PKD2L2: variants seen among roughly 807,000 people sequenced by gnomAD.
The protein encoded by PKD2L2 is polycystin-2-like protein 2.
PKD2L2 carries 67 observed loss-of-function variants against 83.9 expected under a neutral mutation model. The observed-to-expected ratio is 0.80, with a 90% CI of 0.66 to 0.98. The LOEUF (loss-of-function observed/expected upper bound fraction) is 0.98, where lower values mean the gene tolerates loss of function less well. Among genes scored for constraint, PKD2L2 ranks in the 50% least tolerant of loss-of-function variants. The pLI is 0.00. For synonymous variants in PKD2L2, 223 were observed against 237.8 expected, an observed-to-expected ratio of 0.94 and a Z score of 0.57; for missense variants, 632 against 717.2, an observed-to-expected ratio of 0.88 and a Z score of 1.36.
In PKD2L2 at chr5:137,936,417, G is replaced by C. The variant is rs1760400684; in HGVS notation, c.*7G>C. On this transcript the variant is annotated 3_prime_UTR_variant, in exon 14 of 15. Transcript: ENST00000508883. ...AAAGGTTTCAGCTCTATAGTATTGAGACAAGTGGAGGTAAGAATCTGTGAT... is the reference window on the plus strand; with the variant it reads ...AAAGGTTTCAGCTCTATAGTATTGACACAAGTGGAGGTAAGAATCTGTGAT... The C allele has an allele frequency of 1.3e-6, 2 of 1,533,826 alleles. No homozygotes were observed. Among genetic ancestry groups the C allele is most frequent in the Non-Finnish European group, 1.7e-6 (2 of 1,145,328 alleles).
At chr5:137,916,475 CTTTT>C (rs1169529107) in intron 8 of PKD2L2, among the ~76,000 whole-genome samples, 2 of 93,216 alleles carry the variant, frequency 2.1e-5, no homozygotes, top group South Asian at 3.9e-4. Flanking sequence ...CACTTTTCTT[CTTTT>C]TTTTTTTTTT....
intron 12 of PKD2L2, among the ~76,000 whole-genome samples, chr5:137,926,656 T>C (rs911149944): frequency 6.6e-6 from 1 of 152,182 alleles, no homozygotes; most frequent in Non-Finnish European, 1.5e-5. Context: ...ACCCAGATCT[T>C]GGCTTCCAAA....
At chr5:137,889,546 G>T in intron 1 of PKD2L2, 24 bp downstream of exon 1, 1 of 1,532,948 alleles carries the variant, frequency 6.5e-7, no homozygotes, top group Non-Finnish European at 8.7e-7. Context: ...TTAAGGAGTG[G>T]GAGGGACAGG....
intron 4 of PKD2L2, among the ~76,000 whole-genome samples, chr5:137,898,315 T>C (rs560053982): frequency 2.2e-4 from 34 of 152,320 alleles, no homozygotes; most frequent in African/African-American, 7.9e-4. Flanking sequence ...TTCATTAAAA[T>C]ATCTACGTAA....
intron 3 of PKD2L2, 132 bp from the exon 4 acceptor site, chr5:137,894,221 C>G (rs1346597325): frequency 3.9e-6 from 3 of 767,140 alleles, no homozygotes; most frequent in Middle Eastern, 3.3e-4. Flanking sequence ...ATTAGCATTA[C>G]CATTACCATT....
intron 13 of PKD2L2, 38 bp from the exon 14 acceptor site, chr5:137,936,281 AT>A (rs1400130149): frequency 1.4e-5 from 21 of 1,503,170 alleles, no homozygotes; most frequent in Non-Finnish European, 1.9e-5. Flanking sequence ...ATGAAAGTTT[AT>A]TACTGACTCA....
intron 5 of PKD2L2, among the ~76,000 whole-genome samples, chr5:137,903,750 A>G (rs1010324174): frequency 1.3e-5 from 2 of 152,058 alleles, no homozygotes; most frequent in Non-Finnish European, 2.9e-5. Flanking sequence ...TACATTTTTT[A>G]TTTTTTTATT....
intron 4 of PKD2L2, among the ~76,000 whole-genome samples, 179 bp from the exon 5 acceptor site, chr5:137,899,337 G>A (rs531574785): frequency 1.3e-5 from 2 of 152,248 alleles, no homozygotes; most frequent in Admixed American, 6.5e-5. Flanking sequence ...GGCTGGTCTC[G>A]AACTCCTGGG....
chr5:137,890,675 G>C (rs968741632), intron 2 of PKD2L2, 93 bp downstream of exon 2: 8 of 556,896 alleles, frequency 1.4e-5, no homozygotes, highest in Non-Finnish European at 2.2e-5. Context: ...AAAACCACAG[G>C]CTGTCAGGCT....
chr5:137,895,472 T>TA (rs756004179), intron 4 of PKD2L2, among the ~76,000 whole-genome samples: 3,270 of 65,710 alleles, frequency 0.05, 115 homozygotes, highest in African/African-American at 0.14. Context: ...ACCTTGTCCC[T>TA]AAAAAAAAAA....
chr5:137,891,864 T>C (rs897389455), intron 2 of PKD2L2, among the ~76,000 whole-genome samples: 1 of 152,136 alleles, frequency 6.6e-6, no homozygotes, highest in South Asian at 2.1e-4. Context: ...TGTATGTTTT[T>C]AGTAGAGACA....
At chr5:137,889,910 C>T in intron 1 of PKD2L2, 1 of 241,030 alleles carries the variant, frequency 4.1e-6, no homozygotes. Flanking sequence ...GTGGAGAAAA[C>T]GGTTAGGACA....
chr5:137,895,635 T>C (rs535059419), intron 4 of PKD2L2, among the ~76,000 whole-genome samples: 1 of 152,204 alleles, frequency 6.6e-6, no homozygotes, highest in South Asian at 2.1e-4. Context: ...CCTAGCACTT[T>C]GAGAGGCTGA....
intron 3 of PKD2L2, among the ~76,000 whole-genome samples, chr5:137,893,450 A>G (rs1479543061): frequency 1.3e-5 from 2 of 152,330 alleles, no homozygotes; most frequent in African/African-American, 4.8e-5. Context: ...CAGCTATCCC[A>G]GGTCACAAAA....
At chr5:137,915,354 A>G (rs1464266037) in intron 8 of PKD2L2, among the ~76,000 whole-genome samples, 1 of 152,108 alleles carries the variant, frequency 6.6e-6, no homozygotes, top group Non-Finnish European at 1.5e-5. Context: ...TTACCAGTGA[A>G]GCCAGATCCT....
At chr5:137,936,236 C>T (rs1464068661) in intron 13 of PKD2L2, 84 bp from the exon 14 acceptor site, 3 of 1,221,622 alleles carry the variant, frequency 2.5e-6, no homozygotes, top group East Asian at 2.5e-5. Flanking sequence ...TCTATCTTCC[C>T]AAAGCATTTC....
At chr5:137,907,158 GAGTC>G (rs1158817276) in intron 6 of PKD2L2, among the ~76,000 whole-genome samples, 1 of 152,146 alleles carries the variant, frequency 6.6e-6, no homozygotes, top group African/African-American at 2.4e-5. Flanking sequence ...AGGTTTCTGA[GAGTC>G]AGAAAGCATG....
intron 8 of PKD2L2, 28 bp downstream of exon 8, chr5:137,908,974 ATCTT>A: frequency 7.3e-7 from 1 of 1,366,574 alleles, no homozygotes; most frequent in Non-Finnish European, 1.0e-6. Context: ...ATGTAATTAT[ATCTT>A]CTATATTTTC....
rs745517216 is a variant in PKD2L2 at position 137,899,635 on chromosome 5, T to A, written c.644T>A (p.Phe215Tyr). 1 of 1,613,544 alleles carries A rather than the reference T, an allele frequency of 6.2e-7. No homozygotes were observed. Among genetic ancestry groups the A allele is most frequent in the Non-Finnish European group, 8.5e-7 (1 of 1,179,540 alleles). Residue 215 changes from phenylalanine (F) to tyrosine (Y), a missense_variant, in exon 5 of 15, where the codon TTC becomes TAC. Transcript: ENST00000508883. ...TCGAAATCTGAAACCAAAAACAAGT[T>A]CATTGACCTTCGACTGAACAGCTGG... ...SKSKSETKNK[F>Y]IDLRLNSWIT... is the part of the protein sequence containing the mutation.
Sources: allele counts gnomAD v4.1 joint callset (sites outside exome capture counted in the v4.1 genomes callset), GRCh38; gene constraint gnomAD v4.1.1; transcripts MANE v1.5; gene names NCBI Gene and HGNC (gene_info 2026-07-23, HGNC 2026-07-21).